The following RO60 variants were observed in gnomAD, a reference collection of about 807,000 sequenced individuals.
RO60 encodes the protein Ro60, Y RNA binding protein.
RO60 carries 20 observed loss-of-function variants against 55.3 expected under a neutral mutation model. The observed-to-expected ratio is 0.36, with a 90% CI of 0.25 to 0.53. RO60 has a LOEUF of 0.53. Ranked by LOEUF, RO60 falls within the 20% of genes least tolerant of loss-of-function variation. The pLI, the probability that RO60 is intolerant of heterozygous loss-of-function variation, is 0.92. For synonymous variants in RO60, 213 were observed against 213.6 expected, an observed-to-expected ratio of 1.00 and a Z score of 0.02; for missense variants, 558 against 646.6, an observed-to-expected ratio of 0.86 and a Z score of 1.49.
intron 1 of RO60, chr1:193,060,221 A>G: frequency 1.3e-6 from 1 of 785,424 alleles, no homozygotes; most frequent in East Asian, 6.6e-5. Context: ...GAGAGGAGAA[A>G]GGTTTGTCCA....
Position 193,085,271 on chromosome 1 carries a change from T to G in RO60, c.*540T>G. Reference sequence around the variant, plus strand: ...TTATGAATGAGTTTTACAAATTCCTTTCAGAGTTTTACTAAGATCACACAA... The same window carrying G: ...TTATGAATGAGTTTTACAAATTCCTGTCAGAGTTTTACTAAGATCACACAA... On this transcript the variant is annotated 3_prime_UTR_variant, in exon 9 of 9. Coordinates refer to ENST00000400968, the MANE Select transcript of RO60 (RefSeq NM_001173524.2). 9.0e-7 allele frequency: 1 copy of G among 1,108,076 alleles called. No homozygotes were observed. Among genetic ancestry groups the G allele is most frequent in the Non-Finnish European group, 1.1e-6 (1 of 906,876 alleles). The allele number at this position is 1,108,076 out of a possible 1,614,324, so 68.6% of individuals were successfully genotyped here.
At chr1:193,076,347 A>G (rs1329773086) in intron 3 of RO60, among the ~76,000 whole-genome samples, 154 bp from the exon 4 acceptor site, 1 of 152,210 alleles carries the variant, frequency 6.6e-6, no homozygotes. Flanking sequence ...CTTATTTGAT[A>G]AGCCTTTTAC....
In RO60 at chr1:193,089,510, T is replaced by A. The variant is rs762652797; in HGVS notation, c.*4779T>A. The A allele has an allele frequency of 6.6e-6, 1 of 152,164 alleles. No individual in the cohort carries two copies. Among genetic ancestry groups the A allele is most frequent in the Non-Finnish European group, 1.5e-5 (1 of 68,014 alleles). The allele number at this position is 152,164 out of a possible 1,614,324, so 9.4% of individuals were successfully genotyped here. On this transcript the variant is annotated 3_prime_UTR_variant, in exon 9 of 9. Coordinates refer to ENST00000400968, the MANE Select transcript of RO60 (RefSeq NM_001173524.2). ...TATTTTTCATGTATAAAACTAATAA[T>A]GTAGTTAAGCATACTGTTTGAATAA...
chr1:193,070,269 A>G (rs1048433039), intron 2 of RO60, among the ~76,000 whole-genome samples: 1 of 151,978 alleles, frequency 6.6e-6, no homozygotes, highest in African/African-American at 2.4e-5. Context: ...CTAGGAACCC[A>G]TCTTCCATGG....
downstream of RO60, chr1:193,091,532 C>T (rs1351998057): frequency 1.2e-6 from 1 of 819,424 alleles, no homozygotes; most frequent in Non-Finnish European, 2.0e-6. Flanking sequence ...AATAATACAA[C>T]TAACAATGTA....
At chr1:193,072,614 T>A (rs1375156608) in intron 2 of RO60, among the ~76,000 whole-genome samples, 1 of 152,180 alleles carries the variant, frequency 6.6e-6, no homozygotes, top group Non-Finnish European at 1.5e-5. Flanking sequence ...AAACATTATT[T>A]TTTACATTTA....
chr1:193,071,202 C>G (rs1558240396), intron 2 of RO60, among the ~76,000 whole-genome samples: 1 of 152,186 alleles, frequency 6.6e-6, no homozygotes, highest in Non-Finnish European at 1.5e-5. Flanking sequence ...AAGTGGAGCT[C>G]ACTTGCCTGC....
intron 2 of RO60, chr1:193,070,661 G>C: frequency 2.4e-6 from 1 of 409,754 alleles, no homozygotes. Context: ...ATTAAAAGGA[G>C]GGTAAGGAGA....
In RO60 at chr1:193,076,922, CA is replaced by C; in HGVS notation, c.959del (p.His320LeufsTer6). 6.2e-7 allele frequency: 1 copy of C among 1,611,362 alleles called. No homozygotes were observed. Among genetic ancestry groups the C allele is most frequent in the Non-Finnish European group, 8.5e-7 (1 of 1,178,410 alleles). On this transcript the variant is annotated frameshift_variant, in exon 5 of 9. Coordinates refer to ENST00000400968, the MANE Select transcript of RO60 (RefSeq NM_001173524.2). LOFTEE classifies it high-confidence loss of function. ...TATACTTTGTTTCTAGGCTCGTATA[CA>C]TCCATTTCATATTTTGATCGCATTA... is the stretch of plus-strand genomic sequence containing the variant. ...NEKLLKKARI[H>X]PFHILIALET...
intron 2 of RO60, among the ~76,000 whole-genome samples, chr1:193,074,553 T>C (rs1673761876): frequency 6.6e-6 from 1 of 152,248 alleles, no homozygotes; most frequent in African/African-American, 2.4e-5. Context: ...AAGTGTCTGT[T>C]CATATCCTTC....
intron 1 of RO60, among the ~76,000 whole-genome samples, chr1:193,060,974 A>G (rs904635055): frequency 1.3e-5 from 2 of 152,220 alleles, no homozygotes; most frequent in African/African-American, 4.8e-5. Flanking sequence ...ACTAAAATGT[A>G]CTTGATACCC....
rs1395806457 is a variant in RO60 at position 193,069,314 on chromosome 1, C to T, written c.260C>T (p.Thr87Ile). 6.2e-7 allele frequency: 1 copy of T among 1,614,240 alleles called. No individual in the cohort carries two copies. Among genetic ancestry groups the T allele is most frequent in the African/African-American group, 1.3e-5 (1 of 75,062 alleles). The change falls in exon 2 of 9, where the codon ACA becomes ATA. Residue 87 changes from threonine to isoleucine, a missense_variant. Coordinates refer to ENST00000400968, the MANE Select transcript of RO60 (RefSeq NM_001173524.2). ...TCATTTAGTCAAGAAGGCAGAACCA[C>T]AAAGCAAGAGCCTATGCTCTTTGCA... ...IKSFSQEGRT[T>I]KQEPMLFALA...
chr1:193,085,115 G>A lies in RO60; in HGVS notation c.*384G>A, dbSNP rs1674566506. On this transcript the variant is annotated 3_prime_UTR_variant, in exon 9 of 9. Coordinates refer to ENST00000400968, the MANE Select transcript of RO60 (RefSeq NM_001173524.2). ...ACGTTTTCTTAAATGTTTTCATTGG[G>A]AAAGGACAGCTTTGATAATGTCCAA... 6.3e-6 allele frequency: 9 copies of A among 1,438,246 alleles called. No individual in the cohort carries two copies. In the East Asian group the frequency reaches 2.0e-4, roughly 32 times the overall value. 89.1% of individuals were successfully genotyped at this position (1,438,246 alleles called of 1,614,324 possible).
chr1:193,076,600 G>GT lies in RO60; in HGVS notation c.902dup (p.Ser302IlefsTer5). On this transcript the variant is annotated frameshift_variant, in exon 4 of 9. Coordinates refer to ENST00000400968, the MANE Select transcript of RO60 (RefSeq NM_001173524.2). LOFTEE classifies it high-confidence loss of function. ...AGTACTTGAACCAGGAAATTCAGAAGTATCTTTAGTATGTGAAAAACTGTG... is the reference window on the plus strand; with the variant it reads ...AGTACTTGAACCAGGAAATTCAGAAGTTATCTTTAGTATGTGAAAAACTGTG... 1.2e-6 allele frequency: 2 copies of GT among 1,609,166 alleles called. No homozygotes were observed. Among genetic ancestry groups the GT allele is most frequent in the Non-Finnish European group, 1.7e-6 (2 of 1,178,162 alleles).
chr1:193,066,746 ACTT>A (rs1378991822), intron 1 of RO60, among the ~76,000 whole-genome samples: 1 of 152,148 alleles, frequency 6.6e-6, no homozygotes, highest in Non-Finnish European at 1.5e-5. Context: ...TCAGAACAAA[ACTT>A]CTTTTATCTT....
In RO60 at chr1:193,082,645, CA is replaced by C; in HGVS notation, c.1402del (p.Thr468LeufsTer16). On this transcript the variant is annotated frameshift_variant, in exon 8 of 9. Transcript: ENST00000400968. LOFTEE classifies it high-confidence loss of function. ...NTPADVFIVF[T>X]DNETFAGGVH... ...CACCTGCTGATGTCTTCATTGTATTCACTGATAATGAGACCTTTGCTGGAGG... is the reference window on the plus strand; with the variant it reads ...CACCTGCTGATGTCTTCATTGTATTCCTGATAATGAGACCTTTGCTGGAGG... The C allele has an allele frequency of 6.2e-7, 1 of 1,613,766 alleles. No individual in the cohort carries two copies. The highest frequency in any genetic ancestry group is 8.5e-7 in the Non-Finnish European group (1 of 1,179,802).
chr1:193,082,402 T>A (rs1373384480), intron 7 of RO60, 103 bp downstream of exon 7: 2 of 1,327,832 alleles, frequency 1.5e-6, no homozygotes, highest in African/African-American at 1.5e-5. Context: ...AGAACAAAAT[T>A]TTTTTTGTCT....
chr1:193,068,622 A>G (rs1369233579), intron 1 of RO60, among the ~76,000 whole-genome samples: 1 of 152,142 alleles, frequency 6.6e-6, no homozygotes, highest in African/African-American at 2.4e-5. Context: ...TGCCATACTG[A>G]TCTACCTGCT....
At chr1:193,083,461 A>G (rs1158742530) in intron 8 of RO60, among the ~76,000 whole-genome samples, 5 of 152,212 alleles carry the variant, frequency 3.3e-5, no homozygotes, top group African/African-American at 1.2e-4. Flanking sequence ...TCACTCTCCA[A>G]TGTGGGTTGC....
Sources: gnomAD v4.1 joint callset for allele counts (sites outside exome capture counted in the v4.1 genomes callset) on GRCh38, gnomAD v4.1.1 for gene constraint, MANE v1.5 for transcripts, NCBI Gene and HGNC (gene_info 2026-07-23, HGNC 2026-07-21) for gene names.